CEP43: variants seen among roughly 807,000 people sequenced by gnomAD.
CEP43 encodes FGFR1 oncogene partner.
A neutral mutation model predicts 52.6 loss-of-function variants in CEP43; 36 were observed. The ratio of observed to expected loss-of-function variants is 0.68; its 90% CI spans 0.52 to 0.90. The LOEUF is 0.90. Ranked by LOEUF, CEP43 falls within the 40% of genes least tolerant of loss-of-function variation. The pLI is 0.00. For synonymous variants in CEP43, 192 were observed against 172.4 expected, an observed-to-expected ratio of 1.11 and a Z score of -0.89; for missense variants, 506 against 472.8, an observed-to-expected ratio of 1.07 and a Z score of -0.65.
chr6:167,038,783 T>G (rs1780633307), intron 12 of CEP43, among the ~76,000 whole-genome samples: 1 of 152,148 alleles, frequency 6.6e-6, no homozygotes, highest in Non-Finnish European at 1.5e-5. Context: ...ACAGCAACAG[T>G]TTTTTTAATT....
At position 167,003,787 on chromosome 6, in the gene CEP43, T is replaced by C; in HGVS notation, c.276T>C (p.Ala92=). The change falls in exon 4 of 13, where the codon GCT becomes GCC. Residue 92 remains alanine, a synonymous_variant. Coordinates refer to ENST00000366847, the MANE Select transcript of CEP43 (RefSeq NM_007045.4). ...LQFFNLDFTL[A]VFQPETSTLQ... ...TTTTTAACCTTGACTTTACTTTGGCTGTTTTTCAACCTGAAACTAGCACAG... is the reference window on the plus strand; with the variant it reads ...TTTTTAACCTTGACTTTACTTTGGCCGTTTTTCAACCTGAAACTAGCACAG... The C allele has an allele frequency of 6.2e-7, 1 of 1,610,456 alleles. No homozygotes were observed.
In CEP43 at chr6:167,042,272, TAAA is replaced by T. The variant is rs889551940; in HGVS notation, c.*2298_*2300del. 9.9e-7 allele frequency: 1 copy of T among 1,005,264 alleles called. No individual in the cohort carries two copies. The highest frequency in any genetic ancestry group is 1.2e-6 in the Non-Finnish European group (1 of 840,602). The allele number at this position is 1,005,264 out of a possible 1,614,324, so 62.3% of individuals were successfully genotyped here. ...TTTGCATGTGATGAGTGTTTTCTGTTAAAAAATAAATATTGAAATATTAACCCA... is the reference window on the plus strand; with the variant it reads ...TTTGCATGTGATGAGTGTTTTCTGTTAAATAAATATTGAAATATTAACCCA... On this transcript the variant is annotated 3_prime_UTR_variant, in exon 13 of 13. Transcript: ENST00000366847.
intron 4 of CEP43, 128 bp downstream of exon 4, chr6:167,003,939 T>G (rs1779794997): frequency 4.4e-6 from 3 of 676,776 alleles, no homozygotes; most frequent in Non-Finnish European, 7.3e-6. Context: ...GGTAGTTGAT[T>G]ATCTGTTTTT....
At chr6:167,022,721 A>G (rs1008343551) in intron 8 of CEP43, 86 bp downstream of exon 8, 40 of 889,814 alleles carry the variant, frequency 4.5e-5, no homozygotes, top group Non-Finnish European at 6.7e-5. Context: ...ATAATGAACT[A>G]TGGAAGGTTT....
intron 7 of CEP43, among the ~76,000 whole-genome samples, chr6:167,020,442 G>A (rs919361325): frequency 2.0e-5 from 3 of 152,132 alleles, no homozygotes; most frequent in African/African-American, 4.8e-5. Flanking sequence ...CTTCAGGAGC[G>A]TCTTGTTCGG....
At position 167,003,820 on chromosome 6, in the gene CEP43, A is replaced by G. The variant is rs1779792580; in HGVS notation, c.300+9A>G. The G allele has an allele frequency of 6.6e-7, 1 of 1,524,050 alleles. No individual in the cohort carries two copies. Among genetic ancestry groups the G allele is most frequent in the Non-Finnish European group, 9.1e-7 (1 of 1,101,078 alleles). The allele number at this position is 1,524,050 out of a possible 1,614,324, so 94.4% of individuals were successfully genotyped here. On this transcript the variant is annotated intron_variant, in intron 4 of 12. Coordinates refer to ENST00000366847, the MANE Select transcript of CEP43 (RefSeq NM_007045.4). ...AACCTGAAACTAGCACAGTAAGAAT[A>G]ATGATTTTTACATCTATCTTTTGAA...
At chr6:167,007,209 G>A (rs1358536139) in intron 5 of CEP43, among the ~76,000 whole-genome samples, 1 of 152,222 alleles carries the variant, frequency 6.6e-6, no homozygotes, top group East Asian at 1.9e-4. Flanking sequence ...CTAGATAGGA[G>A]TGTACCTCAA....
chr6:167,003,122 C>T (rs940678175), intron 2 of CEP43, 71 bp from the exon 3 acceptor site: 5 of 690,450 alleles, frequency 7.2e-6, no homozygotes, highest in African/African-American at 1.9e-5. Context: ...TCAATGAAAA[C>T]GTTAAACTTT....
At chr6:167,025,671 T>C (rs946072752) in intron 9 of CEP43, among the ~76,000 whole-genome samples, 3 of 152,252 alleles carry the variant, frequency 2.0e-5, no homozygotes, top group African/African-American at 7.2e-5. Context: ...CTAGGGCACA[T>C]AAGAGAGCCG....
chr6:167,032,446 A>G (rs138122015), intron 10 of CEP43, among the ~76,000 whole-genome samples, 157 bp from the exon 11 acceptor site: 2 of 152,190 alleles, frequency 1.3e-5, no homozygotes, highest in East Asian at 1.9e-4. Flanking sequence ...TTCATTTGTC[A>G]TTTGTCTTCA....
At chr6:167,000,798 T>A (rs1208206440) in intron 2 of CEP43, among the ~76,000 whole-genome samples, 2 of 152,240 alleles carry the variant, frequency 1.3e-5, no homozygotes, top group East Asian at 3.8e-4. Context: ...GGCAGCATTT[T>A]GCTCTGGACC....
intron 6 of CEP43, 33 bp from the exon 7 acceptor site, chr6:167,013,475 T>G: frequency 6.5e-7 from 1 of 1,550,362 alleles, no homozygotes; most frequent in Non-Finnish European, 8.9e-7. Flanking sequence ...ATTTCTATTT[T>G]GTGGTAAAAT....
chr6:167,041,783 G>T lies in CEP43; in HGVS notation c.*1805G>T. 1.0e-6 allele frequency: 1 copy of T among 956,184 alleles called. No individual in the cohort carries two copies. Among genetic ancestry groups the T allele is most frequent in the Non-Finnish European group, 1.2e-6 (1 of 821,062 alleles). 59.2% of individuals were successfully genotyped at this position (956,184 alleles called of 1,614,324 possible). A position where few individuals can be genotyped will look rare whatever the true frequency, so the allele number is the denominator to read the frequency against. ...ATATTTGGGAGGGTAAAAGAAATAT[G>T]CCAAATATGAAACTTTTTTGTCAGC... On this transcript the variant is annotated 3_prime_UTR_variant, in exon 13 of 13. Coordinates refer to ENST00000366847, the MANE Select transcript of CEP43 (RefSeq NM_007045.4).
intron 4 of CEP43, 63 bp downstream of exon 4, chr6:167,003,874 G>A (rs985540092): frequency 2.3e-5 from 22 of 965,466 alleles, no homozygotes; most frequent in Non-Finnish European, 3.5e-5. Flanking sequence ...TTAATATTAA[G>A]CTGAAAGTTA....
chr6:167,018,970 G>C (rs774171231), intron 7 of CEP43, among the ~76,000 whole-genome samples: 3 of 152,112 alleles, frequency 2.0e-5, no homozygotes, highest in Non-Finnish European at 4.4e-5. Flanking sequence ...TAAGTAGATA[G>C]CATACGTTGA....
intron 7 of CEP43, among the ~76,000 whole-genome samples, chr6:167,015,099 C>T (rs62436761): frequency 0.087 from 13,228 of 152,260 alleles, 864 homozygotes; most frequent in Middle Eastern, 0.15. Context: ...CTTTAGCTTT[C>T]GCGGTACTTT....
At chr6:167,016,924 C>G (rs533447978) in intron 7 of CEP43, among the ~76,000 whole-genome samples, 74 of 152,030 alleles carry the variant, frequency 4.9e-4, no homozygotes, top group African/African-American at 1.7e-3. Context: ...CCTGCAGATT[C>G]AGTCGTATGT....
chr6:167,011,026 G>A lies in CEP43; in HGVS notation c.519+133G>A, dbSNP rs540443671. The stretch of plus-strand genomic sequence containing the variant: ...ACATGGGCTCTTTAGTTTCTTGAAG[G>A]TGCTTTTTTTCCATTAAGTATACAT... On this transcript the variant is annotated intron_variant, in intron 6 of 12. Transcript: ENST00000366847. 2.2e-5 allele frequency: 10 copies of A among 450,462 alleles called. No individual in the cohort carries two copies. The Admixed American group carries it at 2.6e-4, about 12-fold the overall frequency. 27.9% of individuals were successfully genotyped at this position (450,462 alleles called of 1,614,324 possible). A position where few individuals can be genotyped will look rare whatever the true frequency, so the allele number is the denominator to read the frequency against.
chr6:167,029,392 T>C (rs1780420834), intron 10 of CEP43, among the ~76,000 whole-genome samples: 1 of 152,242 alleles, frequency 6.6e-6, no homozygotes, highest in Admixed American at 6.5e-5. Context: ...TTTCAGAGTC[T>C]GGATTTTTTT....
Sources: allele counts gnomAD v4.1 joint callset (sites outside exome capture counted in the v4.1 genomes callset), GRCh38; gene constraint gnomAD v4.1.1; transcripts MANE v1.5; gene names NCBI Gene and HGNC (gene_info 2026-07-23, HGNC 2026-07-21).